The following FAM163B variants were observed in gnomAD, a reference collection of about 807,000 sequenced individuals.
FAM163B encodes the protein family with sequence similarity 163 member B, also known as protein FAM163B.
Under a neutral mutation model 7.6 loss-of-function variants are expected in FAM163B, and 4 were observed. The observed-to-expected ratio is 0.52, with a 90% confidence interval of 0.26 to 1.20. FAM163B has a LOEUF of 1.20. FAM163B is among the 50% of genes most tolerant of loss of function. The probability of loss-of-function intolerance (pLI) is 0.14; values close to 1 mark genes in which losing one functional copy is unlikely to be tolerated. For missense variants in FAM163B, 250 were observed against 243.0 expected, an observed-to-expected ratio of 1.03 and a Z score of -0.19; for synonymous variants, 120 against 111.6, an observed-to-expected ratio of 1.07 and a Z score of -0.47.
chr9:133,600,249 TGA>T lies in FAM163B; in HGVS notation c.-24+8826_-24+8827del, dbSNP rs1324780690. Among the ~76,000 whole-genome samples the T allele has an allele frequency of 1.5e-5, 2 of 136,312 alleles. No homozygotes were observed. Among genetic ancestry groups the T allele is most frequent in the Non-Finnish European group, 3.1e-5 (2 of 64,198 alleles). 89.4% of individuals were successfully genotyped at this position (136,312 alleles called of 152,430 possible). Reference sequence around the variant, plus strand: ...GGAATGTGGTCTGTGTGCATGTGTGTGAGTGTGGTCTGTGTGTGTGTGTGTGT... The same window carrying T: ...GGAATGTGGTCTGTGTGCATGTGTGTGTGTGGTCTGTGTGTGTGTGTGTGT... On this transcript the variant is annotated intron_variant, in intron 1 of 2. Coordinates refer to ENST00000673969, the MANE Select transcript of FAM163B (RefSeq NM_001080515.3). This position sits in a 1 kb window ranked among gnomAD's most constrained non-coding sequence, Gnocchi z 4.9.
At chr9:133,591,009 G>A (rs549210516) in intron 1 of FAM163B, among the ~76,000 whole-genome samples, 8 of 152,208 alleles carry the variant, frequency 5.3e-5, no homozygotes, top group Non-Finnish European at 1.2e-4. Flanking sequence ...CTCTCTCCTT[G>A]GGTCCCTCAG....
intron 1 of FAM163B, among the ~76,000 whole-genome samples, chr9:133,604,919 C>T (rs1378014751): frequency 6.6e-6 from 1 of 152,186 alleles, no homozygotes; most frequent in Non-Finnish European, 1.5e-5. Flanking sequence ...GCCAGCAGGC[C>T]CAGCTCCCAG....
intron 1 of FAM163B, among the ~76,000 whole-genome samples, chr9:133,589,604 G>A (rs140787953): frequency 7.3e-6 from 1 of 137,634 alleles, no homozygotes; most frequent in Non-Finnish European, 1.6e-5. Flanking sequence ...GCAGTCCTCC[G>A]GCCACCAGGG....
chr9:133,603,959 C>G (rs780897712), intron 1 of FAM163B, among the ~76,000 whole-genome samples: 1 of 152,216 alleles, frequency 6.6e-6, no homozygotes, highest in Non-Finnish European at 1.5e-5. Flanking sequence ...CATGCCTCAG[C>G]CTCCCGAGTA....
intron 1 of FAM163B, among the ~76,000 whole-genome samples, chr9:133,607,832 A>G (rs1393605183): frequency 6.6e-6 from 1 of 152,168 alleles, no homozygotes; most frequent in African/African-American, 2.4e-5. Context: ...TTTTTTCACA[A>G]GCTGCCAGCA....
Position 133,601,911 on chromosome 9 carries a change from G to T in FAM163B, c.-24+7166C>A, listed in dbSNP as rs1275590828. On this transcript the variant is annotated intron_variant, in intron 1 of 2. Transcript: ENST00000673969. This position sits in a 1 kb window ranked among gnomAD's most constrained non-coding sequence, Gnocchi z 4.1. ...CCTCAGGGAGGAAGGGACTCTGAGG[G>T]TTCGAGAAACAGGCAGTAGCCAGCA... is the stretch of plus-strand genomic sequence containing the variant. 1.3e-5 allele frequency among the ~76,000 whole-genome samples: 2 copies of T among 152,212 alleles called. No homozygotes were observed. Among genetic ancestry groups the T allele is most frequent in the Non-Finnish European group, 2.9e-5 (2 of 68,038 alleles).
intron 1 of FAM163B, among the ~76,000 whole-genome samples, chr9:133,605,452 C>T (rs1831778412): frequency 6.6e-6 from 1 of 152,178 alleles, no homozygotes; most frequent in African/African-American, 2.4e-5. Flanking sequence ...CTGTCCCAGT[C>T]CCTGCCCAGC....
chr9:133,603,981 A>G (rs1291363729), intron 1 of FAM163B, among the ~76,000 whole-genome samples: 1 of 152,172 alleles, frequency 6.6e-6, no homozygotes, highest in African/African-American at 2.4e-5. Flanking sequence ...CTGGGATTAC[A>G]GGCGCATGCC....
chr9:133,595,251 T>A (rs1831613501), intron 1 of FAM163B, among the ~76,000 whole-genome samples: 1 of 152,244 alleles, frequency 6.6e-6, no homozygotes, highest in South Asian at 2.1e-4. Flanking sequence ...GTTCAAGTGA[T>A]TCTCCTGCCT....
intron 1 of FAM163B, among the ~76,000 whole-genome samples, chr9:133,584,188 A>C (rs1295624214): frequency 1.3e-5 from 2 of 152,036 alleles, no homozygotes; most frequent in Non-Finnish European, 2.9e-5. Context: ...CCACCCCTTC[A>C]TTTAATGGGG....
At chr9:133,608,221 A>G (rs1342143045) in intron 1 of FAM163B, among the ~76,000 whole-genome samples, 2 of 152,178 alleles carry the variant, frequency 1.3e-5, no homozygotes, top group Non-Finnish European at 2.9e-5. Context: ...ACCCTGCAGA[A>G]GGTTCCATGA....
chr9:133,586,826 G>T (rs2131228711), intron 1 of FAM163B, among the ~76,000 whole-genome samples: 1 of 152,312 alleles, frequency 6.6e-6, no homozygotes, highest in Non-Finnish European at 1.5e-5. Context: ...AACCATGTCA[G>T]GGGTTGTAAG....
At chr9:133,604,627 A>AT (rs1190079686) in intron 1 of FAM163B, among the ~76,000 whole-genome samples, 5 of 152,174 alleles carry the variant, frequency 3.3e-5, no homozygotes, top group Non-Finnish European at 5.9e-5. Context: ...CCCTTGCTTT[A>AT]TGCAAATAGA....
Position 133,590,954 on chromosome 9 carries a change from C to T in FAM163B, c.-23-10708G>A, listed in dbSNP as rs189317403. Reference sequence around the variant, plus strand: ...GCTTCTGGGGATCCTGAGAGAGGTACCAGCTCTGAAGCTCCTGGCCCTGCC... The same window carrying T: ...GCTTCTGGGGATCCTGAGAGAGGTATCAGCTCTGAAGCTCCTGGCCCTGCC... On this transcript the variant is annotated intron_variant, in intron 1 of 2. Coordinates refer to ENST00000673969, the MANE Select transcript of FAM163B (RefSeq NM_001080515.3). 3.3e-5 allele frequency among the ~76,000 whole-genome samples: 5 copies of T among 152,370 alleles called. No individual in the cohort carries two copies. The East Asian group carries it at 7.7e-4, about 24-fold the overall frequency.
rs756929157 is a variant in FAM163B, at chr9:133,579,116, C to A, written c.407G>T (p.Gly136Val). ...GAGCGCCTGCAGGCCCCCGAAGCCCCCCGGGGGCAGCTCCACGTCCTCCTG... is the reference window on the plus strand; with the variant it reads ...GAGCGCCTGCAGGCCCCCGAAGCCCACCGGGGGCAGCTCCACGTCCTCCTG... ...VSQEDVELPP[G>V]GFGGLQALNP... Residue 136 changes from glycine (G) to valine (V), a missense_variant, in exon 3 of 3, where the codon GGG becomes GTG. Coordinates refer to ENST00000673969, the MANE Select transcript of FAM163B (RefSeq NM_001080515.3). 2 of 1,607,364 alleles carry A rather than the reference C, an allele frequency of 1.2e-6. No individual in the cohort carries two copies. The highest frequency in any genetic ancestry group is 1.7e-6 in the Non-Finnish European group (2 of 1,179,310).
At chr9:133,591,680 TG>T (rs1436793962) in intron 1 of FAM163B, among the ~76,000 whole-genome samples, 1 of 152,178 alleles carries the variant, frequency 6.6e-6, no homozygotes, top group African/African-American at 2.4e-5. Context: ...GGGATGCTGA[TG>T]CAGCGGGCGC....
intron 1 of FAM163B, among the ~76,000 whole-genome samples, chr9:133,584,495 A>G (rs749625441): frequency 2.6e-5 from 4 of 152,266 alleles, no homozygotes; most frequent in Non-Finnish European, 5.9e-5. Context: ...AGTCAGGATT[A>G]TGAAAATGTA....
intron 1 of FAM163B, among the ~76,000 whole-genome samples, chr9:133,589,741 C>T (rs981382741): frequency 1.3e-4 from 20 of 152,194 alleles, no homozygotes; most frequent in Non-Finnish European, 2.6e-4. Flanking sequence ...GACCCCCACC[C>T]TCACCTAGCT....
intron 1 of FAM163B, among the ~76,000 whole-genome samples, chr9:133,593,920 G>A (rs1049562433): frequency 8.5e-5 from 13 of 152,272 alleles, no homozygotes; most frequent in Admixed American, 5.9e-4. Flanking sequence ...GGGCAGGCCC[G>A]TCTCAGCCAC....
Sources: gnomAD v4.1 joint callset for allele counts (sites outside exome capture counted in the v4.1 genomes callset) on GRCh38, gnomAD v4.1.1 for gene constraint, Gnocchi (gnomAD v3.1) non-coding constraint, MANE v1.5 for transcripts, NCBI Gene and HGNC (gene_info 2026-07-23, HGNC 2026-07-21) for gene names.